The following FOCAD variants were observed in gnomAD, a reference collection of about 807,000 sequenced individuals.
The protein encoded by FOCAD is focadhesin.
Under a neutral mutation model 225.6 loss-of-function variants are expected in FOCAD, and 198 were observed. That is an observed-to-expected ratio of 0.88 (90% CI 0.78 to 0.99). FOCAD has a LOEUF of 0.99. Among genes scored for constraint, FOCAD ranks in the 50% least tolerant of loss-of-function variants. FOCAD has a pLI of 0.00. For synonymous variants in FOCAD, 897 were observed against 755.0 expected (o/e 1.19, Z -3.08); for missense variants, 2,713 against 2,123.6 (o/e 1.28, Z -5.46).
At chr9:20,826,103 T>C (rs1313854299) in intron 15 of FOCAD, among the ~76,000 whole-genome samples, 1 of 152,104 alleles carries the variant, frequency 6.6e-6, no homozygotes, top group East Asian at 1.9e-4. Context: ...TCTGTAATTG[T>C]TAATATTGAG....
At chr9:20,698,481 G>T (rs1044841547) in intron 1 of FOCAD, among the ~76,000 whole-genome samples, 18 of 152,030 alleles carry the variant, frequency 1.2e-4, no homozygotes, top group African/African-American at 2.7e-4. Flanking sequence ...GCTCACTGCA[G>T]TCTCGACCTC....
chr9:20,939,335 C>G (rs1587671488), intron 28 of FOCAD, among the ~76,000 whole-genome samples: 1 of 152,042 alleles, frequency 6.6e-6, no homozygotes, highest in Non-Finnish European at 1.5e-5. Context: ...CTTTTACAAC[C>G]TAGGAATAAG....
At chr9:20,979,134 T>G (rs756616184) in intron 37 of FOCAD, among the ~76,000 whole-genome samples, 1 of 152,198 alleles carries the variant, frequency 6.6e-6, no homozygotes, top group Non-Finnish European at 1.5e-5. Flanking sequence ...TTGATTAGGT[T>G]TCAAACTAGA....
At chr9:20,748,501 A>C (rs536537457) in intron 5 of FOCAD, among the ~76,000 whole-genome samples, 3 of 152,262 alleles carry the variant, frequency 2.0e-5, no homozygotes, top group Non-Finnish European at 4.4e-5. Flanking sequence ...ATATATACTA[A>C]AAATTTTACA....
intron 15 of FOCAD, among the ~76,000 whole-genome samples, chr9:20,834,548 GA>G (rs1332836054): frequency 2.7e-4 from 41 of 152,216 alleles, no homozygotes; most frequent in African/African-American, 9.4e-4. Flanking sequence ...TAGTAGCAGT[GA>G]AAAGGAATGG....
At chr9:20,868,192 C>A (rs1829455576) in intron 18 of FOCAD, among the ~76,000 whole-genome samples, 1 of 152,056 alleles carries the variant, frequency 6.6e-6, no homozygotes, top group African/African-American at 2.4e-5. Flanking sequence ...AGGAAAAAAG[C>A]TACATGTAAA....
chr9:20,948,337 G>C lies in FOCAD; in HGVS notation c.3742G>C (p.Ala1248Pro). The change falls in exon 31 of 44, where the codon GCT (alanine) becomes CCT (proline). Residue 1248 changes from alanine to proline, a missense_variant. Coordinates refer to ENST00000338382, the MANE Select transcript of FOCAD (RefSeq NM_001375567.1). ...ATTGTCTGTGTGTGGACATGGAAAA[G>C]CTGAAGACTTGGGCAGCAAACTACT... is the stretch of plus-strand genomic sequence containing the variant. ...HGLSVCGHGK[A>P]EDLGSKLLPA... 6.2e-7 allele frequency: 1 copy of C among 1,612,678 alleles called. No individual in the cohort carries two copies. Among genetic ancestry groups the C allele is most frequent in the Non-Finnish European group, 8.5e-7 (1 of 1,179,060 alleles).
At chr9:20,699,386 C>T (rs1563888254) in intron 1 of FOCAD, among the ~76,000 whole-genome samples, 1 of 151,768 alleles carries the variant, frequency 6.6e-6, no homozygotes, top group Non-Finnish European at 1.5e-5. Flanking sequence ...TTGAAAAGTT[C>T]CCTTAGGCCT....
chr9:20,691,621 A>G (rs1474951815), intron 1 of FOCAD, among the ~76,000 whole-genome samples: 1 of 150,828 alleles, frequency 6.6e-6, no homozygotes, highest in African/African-American at 2.4e-5. Flanking sequence ...AGCTGGGACT[A>G]CAGGTGCCCG....
chr9:20,855,145 T>A (rs1295476663), intron 15 of FOCAD, among the ~76,000 whole-genome samples: 4 of 151,712 alleles, frequency 2.6e-5, no homozygotes, highest in Admixed American at 6.6e-5. Context: ...AAAATTCTCA[T>A]AGGAAAAGTT....
chr9:20,764,735 A>T, intron 6 of FOCAD, 134 bp from the exon 7 acceptor site: 2 of 713,460 alleles, frequency 2.8e-6, no homozygotes, highest in Non-Finnish European at 4.7e-6. Context: ...GGAATAGAAG[A>T]ATCATAAAAA....
At chr9:20,816,520 T>G (rs1411800720) in intron 11 of FOCAD, among the ~76,000 whole-genome samples, 1 of 152,108 alleles carries the variant, frequency 6.6e-6, no homozygotes, top group African/African-American at 2.4e-5. Context: ...ATCATAGCTA[T>G]TACATGCACA....
intron 40 of FOCAD, among the ~76,000 whole-genome samples, chr9:20,987,508 G>GAA (rs746481489): frequency 2.3e-5 from 3 of 131,012 alleles, no homozygotes; most frequent in Non-Finnish European, 1.7e-5. Context: ...ACTGCATCTT[G>GAA]AAAAAAAAAA....
chr9:20,812,853 C>T (rs2131362038), intron 11 of FOCAD, among the ~76,000 whole-genome samples: 1 of 152,142 alleles, frequency 6.6e-6, no homozygotes, highest in East Asian at 1.9e-4. Flanking sequence ...AAAAAACAAT[C>T]CCAGGATTTT....
intron 21 of FOCAD, among the ~76,000 whole-genome samples, chr9:20,888,075 GA>G (rs1831259002): frequency 7.0e-6 from 1 of 143,672 alleles, no homozygotes; most frequent in Non-Finnish European, 1.5e-5. Context: ...ATATATTCTG[GA>G]TATTTTTTTT....
intron 9 of FOCAD, among the ~76,000 whole-genome samples, chr9:20,779,192 C>G (rs559444955): frequency 8.5e-5 from 13 of 152,192 alleles, no homozygotes; most frequent in Non-Finnish European, 1.5e-4. Flanking sequence ...AGATAATATT[C>G]TTTTGACAGT....
chr9:20,732,670 T>C (rs866093585), intron 4 of FOCAD, among the ~76,000 whole-genome samples: 4 of 152,016 alleles, frequency 2.6e-5, no homozygotes, highest in Admixed American at 2.0e-4. Flanking sequence ...ATGGAAAGTA[T>C]TGGGTTTGGG....
chr9:20,781,867 C>T lies in FOCAD; in HGVS notation c.1135C>T (p.Gln379Ter). The T allele has an allele frequency of 6.2e-7, 1 of 1,614,108 alleles. No homozygotes were observed. Among genetic ancestry groups the T allele is most frequent in the Non-Finnish European group, 8.5e-7 (1 of 1,179,972 alleles). The change falls in exon 10 of 44, where the codon CAG (glutamine) becomes TAG (stop). Residue 379 changes from glutamine to a stop codon, truncating the protein, a stop_gained. Transcript: ENST00000338382. LOFTEE classifies it high-confidence loss of function. ...SVDEEGPSRQ[Q>*]LALNLLEMIQ... ...GGATGAAGAAGGTCCCTCTAGGCAG[C>T]AGTTGGCTCTAAACCTTTTGGAAAT...
intron 15 of FOCAD, among the ~76,000 whole-genome samples, chr9:20,830,459 A>G: frequency 6.6e-6 from 1 of 152,084 alleles, no homozygotes; most frequent in Non-Finnish European, 1.5e-5. Flanking sequence ...ATCACTTATT[A>G]GTCTCTCACA....
Sources: gnomAD v4.1 joint callset for allele counts (sites outside exome capture counted in the v4.1 genomes callset) on GRCh38, gnomAD v4.1.1 for gene constraint, MANE v1.5 for transcripts, NCBI Gene and HGNC (gene_info 2026-07-23, HGNC 2026-07-21) for gene names.